The following SEMA5A variants were observed in gnomAD, a reference collection of about 807,000 sequenced individuals.
The protein encoded by SEMA5A is semaphorin-5A.
Under a neutral mutation model 135.5 loss-of-function variants are expected in SEMA5A, and 55 were observed. The ratio of observed to expected loss-of-function variants is 0.41; its 90% confidence interval spans 0.33 to 0.51. The LOEUF (loss-of-function observed/expected upper bound fraction) is 0.51, where lower values mean the gene tolerates loss of function less well. SEMA5A is among the 20% of genes least tolerant of loss of function. SEMA5A has a pLI of 0.37. For missense variants in SEMA5A, 1,290 were observed against 1,419.9 expected (o/e 0.91, Z 1.47); for synonymous variants, 580 against 546.5 (o/e 1.06, Z -0.85).
chr5:9,216,844 C>T (rs1746657570), intron 8 of SEMA5A, among the ~76,000 whole-genome samples: 1 of 152,162 alleles, frequency 6.6e-6, no homozygotes, highest in South Asian at 2.1e-4. Flanking sequence ...AGATTTTTTT[C>T]CATCCCTTTA....
intron 1 of SEMA5A, among the ~76,000 whole-genome samples, chr5:9,475,369 T>C (rs1300850292): frequency 6.6e-6 from 1 of 152,216 alleles, no homozygotes; most frequent in Non-Finnish European, 1.5e-5. Flanking sequence ...TTATTTGTTG[T>C]CTATTGCCTT....
intron 16 of SEMA5A, among the ~76,000 whole-genome samples, chr5:9,078,863 C>T (rs753512577): frequency 1.1e-4 from 17 of 152,054 alleles, no homozygotes; most frequent in Non-Finnish European, 2.5e-4. Context: ...ATTAAAAACT[C>T]TTCATTCAGC....
At chr5:9,271,830 C>A (rs1377050277) in intron 5 of SEMA5A, among the ~76,000 whole-genome samples, 1 of 152,162 alleles carries the variant, frequency 6.6e-6, no homozygotes, top group Non-Finnish European at 1.5e-5. Flanking sequence ...TGCACTCCGG[C>A]CCAGATACTG....
intron 1 of SEMA5A, among the ~76,000 whole-genome samples, chr5:9,484,657 G>C (rs1042144653): frequency 1.3e-5 from 2 of 152,134 alleles, no homozygotes; most frequent in Non-Finnish European, 2.9e-5. Context: ...AATGTTATTT[G>C]GATTGTTCAT....
At chr5:9,206,124 T>C (rs999897811) in intron 8 of SEMA5A, among the ~76,000 whole-genome samples, 9 of 152,186 alleles carry the variant, frequency 5.9e-5, no homozygotes, top group African/African-American at 1.7e-4. Flanking sequence ...CTGAGTGAAT[T>C]GAACAAGTCA....
chr5:9,199,919 T>C (rs1051544346), intron 9 of SEMA5A, among the ~76,000 whole-genome samples: 6 of 152,212 alleles, frequency 3.9e-5, no homozygotes, highest in Non-Finnish European at 8.8e-5. Context: ...GGAATGGTTA[T>C]CTTTTCCCCA....
At chr5:9,193,807 C>A (rs1287170185) in intron 10 of SEMA5A, among the ~76,000 whole-genome samples, 1 of 152,076 alleles carries the variant, frequency 6.6e-6, no homozygotes, top group Non-Finnish European at 1.5e-5. Context: ...CTGAGGCAGA[C>A]AATTGCTTGA....
At chr5:9,094,720 A>G (rs546637715) in intron 16 of SEMA5A, among the ~76,000 whole-genome samples, 1 of 152,322 alleles carries the variant, frequency 6.6e-6, no homozygotes, top group South Asian at 2.1e-4. Context: ...TCCTTCGAGG[A>G]TTGCTTTCTA....
In SEMA5A at chr5:9,044,467, G is replaced by A; in HGVS notation, c.3011C>T (p.Thr1004Ile). 1 of 1,614,040 alleles carries A rather than the reference G, an allele frequency of 6.2e-7. No individual in the cohort carries two copies. The highest frequency in any genetic ancestry group is 1.7e-5 in the Admixed American group (1 of 60,022). ...QRYQQQSHDA[T>I]VIHPVSPAPL... Reference sequence around the variant, plus strand: ...GGCAGGTGAGACGGGGTGGATGACAGTCGCATCGTGGGATTGCTGCTGGTA... The same window carrying A: ...GGCAGGTGAGACGGGGTGGATGACAATCGCATCGTGGGATTGCTGCTGGTA... Residue 1004 changes from threonine (T) to isoleucine (I), a missense_variant, in exon 22 of 23, where the codon ACT becomes ATT. Coordinates refer to ENST00000382496, the MANE Select transcript of SEMA5A (RefSeq NM_003966.3).
intron 1 of SEMA5A, among the ~76,000 whole-genome samples, chr5:9,470,097 G>C (rs1440987243): frequency 6.6e-6 from 1 of 152,180 alleles, no homozygotes; most frequent in Non-Finnish European, 1.5e-5. Context: ...AGCATGTTAG[G>C]GGGGGTTCCA....
At chr5:9,291,901 G>C (rs1053423044) in intron 5 of SEMA5A, among the ~76,000 whole-genome samples, 1 of 151,658 alleles carries the variant, frequency 6.6e-6, no homozygotes. Flanking sequence ...ACTGAAACAA[G>C]AAGTCATTAT....
chr5:9,251,016 G>C (rs1227895989), intron 5 of SEMA5A, among the ~76,000 whole-genome samples: 3 of 152,140 alleles, frequency 2.0e-5, no homozygotes, highest in African/African-American at 7.2e-5. Flanking sequence ...GACCTTTAGG[G>C]GACAACTAGG....
chr5:9,353,455 C>T (rs114676119), intron 3 of SEMA5A, among the ~76,000 whole-genome samples: 9 of 151,750 alleles, frequency 5.9e-5, no homozygotes, highest in Admixed American at 5.9e-4. Context: ...AAGGAACCAC[C>T]TCTGGGCATA....
chr5:9,145,042 C>T (rs6879321), intron 12 of SEMA5A, among the ~76,000 whole-genome samples: 151,969 of 151,978 alleles, frequency 1, 75,980 homozygotes, highest in Middle Eastern at 1. Flanking sequence ...TTTTTTCCTT[C>T]TCTTTCTTGT....
At chr5:9,061,310 T>G (rs997161877) in intron 18 of SEMA5A, among the ~76,000 whole-genome samples, 3 of 152,188 alleles carry the variant, frequency 2.0e-5, no homozygotes, top group Non-Finnish European at 2.9e-5. Context: ...GAAAGATCAA[T>G]TAACCAACTC....
intron 11 of SEMA5A, among the ~76,000 whole-genome samples, chr5:9,166,131 T>A (rs1036859101): frequency 7.9e-5 from 12 of 152,144 alleles, no homozygotes; most frequent in African/African-American, 2.9e-4. Flanking sequence ...AATCACAAAG[T>A]ATTAATATTT....
chr5:9,146,430 A>C (rs1053261452), intron 12 of SEMA5A, among the ~76,000 whole-genome samples: 2 of 152,248 alleles, frequency 1.3e-5, no homozygotes, highest in African/African-American at 4.8e-5. Context: ...CAATCAGAGA[A>C]CAATCGTTGA....
chr5:9,046,980 C>G (rs948114781), intron 21 of SEMA5A, among the ~76,000 whole-genome samples: 3 of 152,202 alleles, frequency 2.0e-5, no homozygotes, highest in Non-Finnish European at 2.9e-5. Flanking sequence ...GCATCTTTGG[C>G]CTTTCTTGAC....
intron 5 of SEMA5A, among the ~76,000 whole-genome samples, chr5:9,256,739 T>A (rs1749090683): frequency 6.6e-6 from 1 of 152,198 alleles, no homozygotes; most frequent in Non-Finnish European, 1.5e-5. Flanking sequence ...CCTGATTAAA[T>A]ATGTGCTGAA....
Sources: allele counts gnomAD v4.1 joint callset (sites outside exome capture counted in the v4.1 genomes callset), GRCh38; gene constraint gnomAD v4.1.1; transcripts MANE v1.5; gene names NCBI Gene and HGNC (gene_info 2026-07-23, HGNC 2026-07-21).